Variants in CHN2 observed in about 807,000 individuals in gnomAD.
CHN2 encodes beta-chimaerin.
A neutral mutation model predicts 56.3 loss-of-function variants in CHN2; 35 were observed. The ratio of observed to expected loss-of-function variants is 0.62; its 90% CI spans 0.47 to 0.82. CHN2 has a LOEUF of 0.82. Ranked by LOEUF, CHN2 falls within the 40% of genes least tolerant of loss-of-function variation. The pLI, the probability that CHN2 is intolerant of heterozygous loss-of-function variation, is 0.00. For synonymous variants in CHN2, 210 were observed against 212.8 expected, an observed-to-expected ratio of 0.99 and a Z score of 0.12; for missense variants, 491 against 580.5, an observed-to-expected ratio of 0.85 and a Z score of 1.58.
At chr7:29,302,985 A>G (rs1383853279) in intron 1 of CHN2, among the ~76,000 whole-genome samples, 1 of 151,786 alleles carries the variant, frequency 6.6e-6, no homozygotes, top group Admixed American at 6.6e-5. Flanking sequence ...ATGTGATTAA[A>G]TAGTATTCAG....
At chr7:29,375,190 CTTTTTTT>C (rs70980534) in intron 3 of CHN2, among the ~76,000 whole-genome samples, 1 of 77,906 alleles carries the variant, frequency 1.3e-5, no homozygotes, top group Non-Finnish European at 2.3e-5. Context: ...GTGCTCGGCC[CTTTTTTT>C]TTTTTTTTTT....
intron 1 of CHN2, among the ~76,000 whole-genome samples, chr7:29,347,651 G>T (rs1049525493): frequency 7.9e-5 from 12 of 152,098 alleles, no homozygotes; most frequent in Admixed American, 2.6e-4. Context: ...CCCTCAACAC[G>T]TAAGGATTAC....
intron 3 of CHN2, among the ~76,000 whole-genome samples, chr7:29,374,860 C>CCTTT (rs1799919960): frequency 6.6e-6 from 1 of 150,504 alleles, no homozygotes; most frequent in African/African-American, 2.4e-5. Flanking sequence ...TGCCTCCCTC[C>CCTTT]CTCCCTTTCT....
intron 1 of CHN2, among the ~76,000 whole-genome samples, chr7:29,233,839 T>G (rs1285688719): frequency 9.9e-6 from 1 of 101,010 alleles, no homozygotes; most frequent in African/African-American, 3.7e-5. Flanking sequence ...TTTTTTTTTT[T>G]TTTTTTTTTT....
At chr7:29,239,833 C>G (rs10269657) in intron 1 of CHN2, among the ~76,000 whole-genome samples, 2,801 of 152,240 alleles carry the variant, frequency 0.018, 79 homozygotes, top group African/African-American at 0.063. Flanking sequence ...ACATGCCCCA[C>G]CTAAAGAGGG....
chr7:29,157,715 C>G lies in CHN2; in HGVS notation c.274+10755C>G, dbSNP rs138905602. Among the ~76,000 whole-genome samples, 55 of 152,280 alleles carry G rather than the reference C, an allele frequency of 3.6e-4. No homozygotes were observed. The East Asian group carries it at 0.01, about 29-fold the overall frequency. On this transcript the variant is annotated intron_variant, in intron 2 of 6. Coordinates refer to the CHN2 transcript ENST00000439384. ...GTGAAAAGCCACTCAATGACCTGAA[C>G]AAGATCTGGTGATAGAAAACATATT...
At chr7:29,232,930 A>G (rs1786837088) in intron 1 of CHN2, among the ~76,000 whole-genome samples, 1 of 152,180 alleles carries the variant, frequency 6.6e-6, no homozygotes, top group Admixed American at 6.5e-5. Flanking sequence ...TTATGGTCCA[A>G]CCTTTTTAAC....
chr7:29,460,898 C>T (rs1462564376), intron 6 of CHN2, among the ~76,000 whole-genome samples: 5 of 152,158 alleles, frequency 3.3e-5, no homozygotes, highest in Non-Finnish European at 7.4e-5. Flanking sequence ...CTTCTCTGGG[C>T]CTCAGTTTCC....
intron 6 of CHN2, among the ~76,000 whole-genome samples, chr7:29,468,274 C>T (rs1360616042): frequency 1.3e-5 from 2 of 151,782 alleles, no homozygotes; most frequent in Non-Finnish European, 2.9e-5. Context: ...CAGGACTGAC[C>T]CCCAGGCAGG....
intron 1 of CHN2, among the ~76,000 whole-genome samples, chr7:29,250,714 T>C (rs552635688): frequency 2.0e-5 from 3 of 148,716 alleles, no homozygotes; most frequent in South Asian, 2.1e-4. Flanking sequence ...ACTTCTTCTT[T>C]TTTTTTTTTT....
chr7:29,289,087 C>G (rs1792372824), intron 1 of CHN2: 1 of 152,220 alleles, frequency 6.6e-6, no homozygotes, highest in Non-Finnish European at 1.5e-5. Context: ...AAGGAGGTGC[C>G]TACCAACCCG....
chr7:29,509,224 C>T, intron 11 of CHN2, 77 bp from the exon 12 acceptor site: 1 of 1,109,264 alleles, frequency 9.0e-7, no homozygotes, highest in South Asian at 1.3e-5. Flanking sequence ...CTGGCTAAAA[C>T]AAAAACTTCT....
chr7:29,383,176 C>CA (rs1200276385), intron 3 of CHN2, among the ~76,000 whole-genome samples: 7 of 151,720 alleles, frequency 4.6e-5, no homozygotes, highest in African/African-American at 1.5e-4. Flanking sequence ...AAGATATTGG[C>CA]AAAAAAATGT....
At chr7:29,273,497 C>A (rs1274389382) in intron 1 of CHN2, among the ~76,000 whole-genome samples, 1 of 150,636 alleles carries the variant, frequency 6.6e-6, no homozygotes, top group African/African-American at 2.4e-5. Context: ...GTGCAGCTAT[C>A]TTTTTGAAGT....
chr7:29,414,156 T>A (rs975182289), intron 6 of CHN2, among the ~76,000 whole-genome samples: 1 of 152,156 alleles, frequency 6.6e-6, no homozygotes, highest in Non-Finnish European at 1.5e-5. Flanking sequence ...TCTCACTTCT[T>A]CCAGTCATGA....
chr7:29,313,021 A>G (rs1326319439), intron 1 of CHN2, among the ~76,000 whole-genome samples: 1 of 152,138 alleles, frequency 6.6e-6, no homozygotes. Context: ...AATCTTGGGT[A>G]ATCATACAAC....
intron 6 of CHN2, among the ~76,000 whole-genome samples, chr7:29,414,368 C>T (rs566142593): frequency 9.9e-5 from 15 of 152,278 alleles, no homozygotes; most frequent in African/African-American, 3.4e-4. Context: ...AACCTACTCA[C>T]AAGGAAAGGA....
intron 11 of CHN2, 87 bp from the exon 12 acceptor site, chr7:29,509,214 C>G: frequency 1.1e-6 from 1 of 925,082 alleles, no homozygotes; most frequent in East Asian, 2.5e-5. Context: ...TTCCCCACTT[C>G]TGGCTAAAAC....
chr7:29,344,792 GGT>G (rs1414917502), intron 1 of CHN2, among the ~76,000 whole-genome samples: 6 of 152,184 alleles, frequency 3.9e-5, no homozygotes, highest in Non-Finnish European at 1.5e-5. Context: ...TCAAGGCAGA[GGT>G]GATCCGTCAA....
Sources: allele counts gnomAD v4.1 joint callset (sites outside exome capture counted in the v4.1 genomes callset), GRCh38; gene constraint gnomAD v4.1.1; transcripts MANE v1.5; gene names NCBI Gene and HGNC (gene_info 2026-07-23, HGNC 2026-07-21).